GPHN: variants seen among roughly 807,000 people sequenced by gnomAD.
The protein encoded by GPHN is gephyrin.
GPHN carries 17 observed loss-of-function variants against 95.5 expected under a neutral mutation model. That is an observed-to-expected ratio of 0.18 (90% CI 0.12 to 0.27). The LOEUF is 0.27. GPHN is among the 10% of genes least tolerant of loss of function. The pLI is 1.00. For synonymous variants in GPHN, 320 were observed against 322.5 expected (o/e 0.99, Z 0.08); for missense variants, 660 against 978.1 (o/e 0.67, Z 4.34).
chr14:66,795,459 C>T (rs2060121656), intron 3 of GPHN, among the ~76,000 whole-genome samples: 1 of 151,888 alleles, frequency 6.6e-6, no homozygotes, highest in Non-Finnish European at 1.5e-5. Context: ...CTATTTAGCC[C>T]ACTGGTTTCC....
At chr14:66,510,310 T>TA (rs2057992136) in intron 1 of GPHN, among the ~76,000 whole-genome samples, 1 of 152,152 alleles carries the variant, frequency 6.6e-6, no homozygotes, top group Non-Finnish European at 1.5e-5. Flanking sequence ...TCTGTGGAAA[T>TA]AAAAAAGGCC....
At chr14:67,293,013 GTA>G in the GPHN span, among the ~76,000 whole-genome samples, 3 of 152,094 alleles carry the variant, frequency 2.0e-5, no homozygotes, top group Non-Finnish European at 4.4e-5. Context: ...AATGTTTTTA[GTA>G]TAGTTTTATG....
the GPHN span, among the ~76,000 whole-genome samples, chr14:67,341,232 C>A: frequency 3.3e-5 from 5 of 152,068 alleles, no homozygotes; most frequent in Admixed American, 3.3e-4. Flanking sequence ...AAGTGAGGAG[C>A]GTCTCTGCCC....
chr14:66,548,318 T>C, intron 1 of GPHN, among the ~76,000 whole-genome samples: 1 of 152,058 alleles, frequency 6.6e-6, no homozygotes, highest in East Asian at 1.9e-4. Context: ...GTAGCTGGGA[T>C]TACGGGCGCC....
chr14:67,281,775 G>A, the GPHN span, among the ~76,000 whole-genome samples: 1 of 151,558 alleles, frequency 6.6e-6, no homozygotes, highest in African/African-American at 2.4e-5. Context: ...TGTTTGTTTT[G>A]CCTAAGCACA....
At chr14:67,144,250 A>AAAATATATATATAT (rs1168342196) in intron 18 of GPHN, among the ~76,000 whole-genome samples, 1 of 57,770 alleles carries the variant, frequency 1.7e-5, no homozygotes, top group Non-Finnish European at 2.9e-5. Flanking sequence ...AAAAAAAAAA[A>AAAATATATATATAT]ATATATATAT....
At chr14:67,017,466 C>T (rs1290735349) in intron 9 of GPHN, among the ~76,000 whole-genome samples, 1 of 152,024 alleles carries the variant, frequency 6.6e-6, no homozygotes, top group Admixed American at 6.6e-5. Context: ...TCCTCTTAAT[C>T]TTATGAGTAG....
intron 8 of GPHN, 89 bp downstream of exon 8, chr14:66,924,381 T>A (rs1204822957): frequency 1.2e-5 from 9 of 774,072 alleles, no homozygotes; most frequent in Non-Finnish European, 1.6e-5. Flanking sequence ...ATGGAAGATG[T>A]GTTGTTTTAT....
At chr14:67,322,068 A>G in the GPHN span, among the ~76,000 whole-genome samples, 1 of 152,186 alleles carries the variant, frequency 6.6e-6, no homozygotes, top group African/African-American at 2.4e-5. Context: ...ATTACTAACT[A>G]GTGCCTCTTA....
At chr14:67,336,620 T>TAAAG in the GPHN span, 1 of 427,206 alleles carries the variant, frequency 2.3e-6, no homozygotes, top group Non-Finnish European at 4.7e-6. Flanking sequence ...TCTTAAAATA[T>TAAAG]AAAGATCAAA....
At chr14:67,603,619 C>T in the GPHN span, among the ~76,000 whole-genome samples, 360 of 152,286 alleles carry the variant, frequency 2.4e-3, no homozygotes, top group Non-Finnish European at 4.2e-3. Flanking sequence ...TCCTAAAGTG[C>T]TGGGATTGCA....
At chr14:67,089,416 G>A (rs1280311121) in intron 12 of GPHN, among the ~76,000 whole-genome samples, 3 of 151,980 alleles carry the variant, frequency 2.0e-5, no homozygotes, top group Admixed American at 2.0e-4. Context: ...GGCATACAAT[G>A]CATAATAATC....
intron 8 of GPHN, among the ~76,000 whole-genome samples, chr14:66,932,453 T>TGTTTTG (rs1567118295): frequency 7.7e-5 from 9 of 116,574 alleles, no homozygotes; most frequent in South Asian, 3.4e-4. Flanking sequence ...GGTTTTTTTT[T>TGTTTTG]TTTTTTTTTT....
chr14:67,205,768 C>T, the GPHN span, among the ~76,000 whole-genome samples: 3 of 152,100 alleles, frequency 2.0e-5, no homozygotes, highest in South Asian at 2.1e-4. Context: ...CGTTAGTGAC[C>T]GAAGTCTCCT....
At chr14:67,545,148 T>G in the GPHN span, among the ~76,000 whole-genome samples, 1 of 152,216 alleles carries the variant, frequency 6.6e-6, no homozygotes, top group Non-Finnish European at 1.5e-5. Context: ...CTCTGGATAT[T>G]TGAAGATGGG....
chr14:67,180,983 G>A lies in GPHN; in HGVS notation c.*46G>A. 5 of 1,600,088 alleles carry A rather than the reference G, an allele frequency of 3.1e-6. No homozygotes were observed. Among genetic ancestry groups the A allele is most frequent in the Non-Finnish European group, 4.3e-6 (5 of 1,167,660 alleles). ...CTTTGATGCATGTCCACATATCATT[G>A]ACTGTATCCTGTAATATGCAACGGC... On this transcript the variant is annotated 3_prime_UTR_variant, in exon 23 of 23. Transcript: ENST00000478722.
At chr14:67,205,893 A>G in the GPHN span, among the ~76,000 whole-genome samples, 3 of 152,218 alleles carry the variant, frequency 2.0e-5, no homozygotes, top group Non-Finnish European at 2.9e-5. Flanking sequence ...TAGGTCCACA[A>G]TAGAAAAAAG....
At position 66,508,288 on chromosome 14, in the gene GPHN, C is replaced by T. The variant is rs543441286; in HGVS notation, c.-240C>T. 5.1e-6 allele frequency: 3 copies of T among 584,160 alleles called. No individual in the cohort carries two copies. Among genetic ancestry groups the T allele is most frequent in the South Asian group, 2.0e-5 (1 of 50,470 alleles). The allele number at this position is 584,160 out of a possible 1,614,324, so 36.2% of individuals were successfully genotyped here. A position where few individuals can be genotyped will look rare whatever the true frequency, so the allele number is the denominator to read the frequency against. Reference sequence around the variant, plus strand: ...CCCCCCAAGCTTGCCTCCTTCTTGCCGGACTTGGGGCCGCGCGCCCTGACT... The same window carrying T: ...CCCCCCAAGCTTGCCTCCTTCTTGCTGGACTTGGGGCCGCGCGCCCTGACT... On this transcript the variant is annotated 5_prime_UTR_variant, in exon 1 of 23. Coordinates refer to ENST00000478722, the MANE Select transcript of GPHN (RefSeq NM_020806.5).
the GPHN span, among the ~76,000 whole-genome samples, chr14:67,281,708 C>A: frequency 6.6e-6 from 1 of 151,988 alleles, no homozygotes; most frequent in Non-Finnish European, 1.5e-5. Flanking sequence ...AGTAAAGAAA[C>A]AAATATAGCT....
Sources: allele counts gnomAD v4.1 joint callset (sites outside exome capture counted in the v4.1 genomes callset), GRCh38; gene constraint gnomAD v4.1.1; transcripts MANE v1.5; gene names NCBI Gene and HGNC (gene_info 2026-07-23, HGNC 2026-07-21).